Variants in SRCAP observed in about 807,000 individuals in gnomAD.
SRCAP encodes the protein Snf2 related CREBBP activator protein.
Under a neutral mutation model 263.1 loss-of-function variants are expected in SRCAP, and 46 were observed. The observed-to-expected ratio is 0.17, with a 90% CI of 0.14 to 0.22. The LOEUF (loss-of-function observed/expected upper bound fraction) is 0.22. SRCAP is among the 10% of genes least tolerant of loss of function. SRCAP has a pLI of 1.00. For missense variants in SRCAP, 3,695 were observed against 4,181.9 expected, an observed-to-expected ratio of 0.88 and a Z score of 3.21; for synonymous variants, 1,813 against 1,662.1, an observed-to-expected ratio of 1.09 and a Z score of -2.21.
rs766102471 is a variant in SRCAP at position 30,725,041 on chromosome 16, C to T, written c.5617C>T (p.Arg1873Ter). The change falls in exon 25 of 34, where the codon CGA (arginine) becomes TGA (stop). Residue 1873 changes from arginine to a stop codon, truncating the protein, a stop_gained. Transcript: ENST00000262518. LOFTEE classifies it high-confidence loss of function. ...TACCTCGTTTGGTGGCCCCCGGCCT[C>T]GACGCCAGCCCCCCCCACCACCTCG... ...TATSFGGPRP[R>*]RQPPPPPRSP... 6.2e-7 allele frequency: 1 copy of T among 1,613,058 alleles called. No homozygotes were observed.
At chr16:30,703,817 AACCCGG>A in intron 3 of SRCAP, among the ~76,000 whole-genome samples, 1 of 152,212 alleles carries the variant, frequency 6.6e-6, no homozygotes. Flanking sequence ...GAATGGCATG[AACCCGG>A]GAGGCGGAGC....
At chr16:30,715,788 TAAC>T (rs1367654822) in intron 16 of SRCAP, among the ~76,000 whole-genome samples, 1 of 152,204 alleles carries the variant, frequency 6.6e-6, no homozygotes, top group African/African-American at 2.4e-5. Context: ...CTTGTAAACT[TAAC>T]AATTACTCCT....
At chr16:30,731,614 C>T (rs2053115443) in intron 27 of SRCAP, among the ~76,000 whole-genome samples, 1 of 152,080 alleles carries the variant, frequency 6.6e-6, no homozygotes, top group Non-Finnish European at 1.5e-5. Context: ...ACTTGTAATC[C>T]CAGCACTTGG....
In SRCAP at chr16:30,719,417, A is replaced by G. The variant is rs567105735; in HGVS notation, c.2818-745A>G. On this transcript the variant is annotated intron_variant, in intron 18 of 33. Transcript: ENST00000262518. ...TTTTTAGTAGAGATGGGGTTTCACC[A>G]TCTTGGCCAGGCTGGTCTTGAACTC... Among the ~76,000 whole-genome samples the G allele has an allele frequency of 5.3e-5, 8 of 151,402 alleles. No homozygotes were observed. The South Asian group carries it at 1.7e-3, about 32-fold the overall frequency.
rs773627693 is a variant in SRCAP, at chr16:30,711,659, G to A, written c.1407G>A (p.Glu469=). ...GCAGTGAAGATGAGGATGAAGATGAGGTTGATGCTAATAGCTCTGACTGTG... is the reference window on the plus strand; with the variant it reads ...GCAGTGAAGATGAGGATGAAGATGAAGTTGATGCTAATAGCTCTGACTGTG... ...SGSSEDEDED[E]VDANSSDCEP... Residue 469 remains glutamate (E), a synonymous_variant, in exon 11 of 34, where the codon GAG becomes GAA. Transcript: ENST00000262518. The A allele has an allele frequency of 1.9e-6, 3 of 1,614,126 alleles. No individual in the cohort carries two copies. The highest frequency in any genetic ancestry group is 2.7e-5 in the African/African-American group (2 of 75,034).
At chr16:30,719,709 T>C (rs1448762378) in intron 18 of SRCAP, among the ~76,000 whole-genome samples, 1 of 152,128 alleles carries the variant, frequency 6.6e-6, no homozygotes, top group Non-Finnish European at 1.5e-5. Flanking sequence ...AGACGGGGTC[T>C]TACTATGTTG....
chr16:30,722,737 C>A lies in SRCAP; in HGVS notation c.3881C>A (p.Ala1294Asp), dbSNP rs1210161459. ...CCTACTGGCCTCAGCCTTCCGCTTG[C>A]TGCTAACCAGGGTGAGGCTCCTGGC... Reference protein sequence around the residue: ...PAPTGLSLPLAANQVPPTMVN... With the variant: ...PAPTGLSLPLDANQVPPTMVN... The change falls in exon 23 of 34, where the codon GCT (alanine) becomes GAT (aspartate). Residue 1294 changes from alanine (A) to aspartate (D), a missense_variant. By Grantham distance (126) the Ala-to-Asp change is moderately radical. This residue lies in a region of SRCAP where 1,347 missense variants were observed against 1,304.4 expected (regional missense o/e 1.03). Transcript: ENST00000262518. The A allele has an allele frequency of 6.2e-7, 1 of 1,610,436 alleles. No homozygotes were observed. The highest frequency in any genetic ancestry group is 1.3e-5 in the African/African-American group (1 of 74,806).
In SRCAP at chr16:30,735,389, G is replaced by A. The variant is rs1220666612; in HGVS notation, c.6729+774G>A. On this transcript the variant is annotated intron_variant, in intron 31 of 33. Coordinates refer to ENST00000262518, the MANE Select transcript of SRCAP (RefSeq NM_006662.3). The stretch of plus-strand genomic sequence containing the variant: ...TCTCGATCTCCTGACCTCGTGATCC[G>A]CCCGCCTCGGCCTCCCAAAGTGCTG... Among the ~76,000 whole-genome samples, 8 of 151,184 alleles carry A rather than the reference G, an allele frequency of 5.3e-5. 1 individual carries two copies. The highest frequency in any genetic ancestry group is 2.0e-4 in the Admixed American group (3 of 15,188).
chr16:30,710,907 A>T (rs1054224174), intron 9 of SRCAP, 60 bp downstream of exon 9: 25 of 1,602,468 alleles, frequency 1.6e-5, no homozygotes, highest in South Asian at 6.6e-5. Context: ...GTCTGGACCT[A>T]ACCTTTCAGG....
At position 30,728,892 on chromosome 16, in the gene SRCAP, T is replaced by C. The variant is rs1189130263; in HGVS notation, c.5659-74T>C. 3.4e-6 allele frequency: 5 copies of C among 1,490,288 alleles called. No individual in the cohort carries two copies. The Admixed American group carries it at 1.1e-4, about 34-fold the overall frequency. 92.3% of individuals were successfully genotyped at this position (1,490,288 alleles called of 1,614,324 possible). ...CATGGTTTCTATATATTTATTTCCA[T>C]CTGGGAAGAACAGTCAGGTTTTGAT... is the stretch of plus-strand genomic sequence containing the variant. On this transcript the variant is annotated intron_variant, in intron 25 of 33. Transcript: ENST00000262518.
chr16:30,700,793 A>G lies in SRCAP; in HGVS notation c.-32A>G, dbSNP rs1398724828. 3 of 1,608,614 alleles carry G rather than the reference A, an allele frequency of 1.9e-6. No homozygotes were observed. The highest frequency in any genetic ancestry group is 8.5e-7 in the Non-Finnish European group (1 of 1,175,596). On this transcript the variant is annotated 5_prime_UTR_variant, in exon 3 of 34. Transcript: ENST00000262518. ...GGTGATAACAACCCAGTCATTCTTC[A>G]GGCATCCAAGGGGGAGCCTGGGAGT...
chr16:30,711,780 G>C lies in SRCAP; in HGVS notation c.1492+36G>C, dbSNP rs1394840656. 8 of 1,609,948 alleles carry C rather than the reference G, an allele frequency of 5.0e-6. No individual in the cohort carries two copies. In the East Asian group the frequency reaches 1.6e-4, roughly 31 times the overall value. On this transcript the variant is annotated intron_variant, in intron 11 of 33. Coordinates refer to ENST00000262518, the MANE Select transcript of SRCAP (RefSeq NM_006662.3). ...GGTCATGAAGCAGGAGCTGGGGAGG[G>C]TGGCCATTGGAAGAGCAGGTATGAT...
At position 30,723,588 on chromosome 16, in the gene SRCAP, A is replaced by G. The variant is rs757822015; in HGVS notation, c.4164A>G (p.Ser1388=). 6.2e-7 allele frequency: 1 copy of G among 1,611,656 alleles called. No homozygotes were observed. The highest frequency in any genetic ancestry group is 1.3e-5 in the African/African-American group (1 of 74,968). Reference sequence around the variant, plus strand: ...ACTCATCCTCTCTCTCCACAGCTTCAGCCCCCGGAGCTGCCCCCTTGACCA... The same window carrying G: ...ACTCATCCTCTCTCTCCACAGCTTCGGCCCCCGGAGCTGCCCCCTTGACCA... ...VHSPSPEVSA[S]APGAAPLTIS... The change falls in exon 25 of 34, where the codon TCA becomes TCG. Residue 1388 remains serine (S), a synonymous_variant. Coordinates refer to ENST00000262518, the MANE Select transcript of SRCAP (RefSeq NM_006662.3).
At position 30,739,634 on chromosome 16, in the gene SRCAP, G is replaced by A. The variant is rs775242217; in HGVS notation, c.9594G>A (p.Gly3198=). Reference sequence around the variant, plus strand: ...GTCCTGGCCCCCGCCGGCTTGTTGGGACCACCAACCAAGGGGACCAGCGCA... The same window carrying A: ...GTCCTGGCCCCCGCCGGCTTGTTGGAACCACCAACCAAGGGGACCAGCGCA... ...RRRPGPRRLV[G]TTNQGDQRIL... Residue 3198 remains glycine (G), a synonymous_variant, in exon 34 of 34, where the codon GGG becomes GGA. Transcript: ENST00000262518. 2 of 1,591,414 alleles carry A rather than the reference G, an allele frequency of 1.3e-6. No individual in the cohort carries two copies. Among genetic ancestry groups the A allele is most frequent in the Non-Finnish European group, 1.7e-6 (2 of 1,169,940 alleles).
Position 30,724,071 on chromosome 16 carries a change from G to A in SRCAP, c.4647G>A (p.Leu1549=), listed in dbSNP as rs745705543. The change falls in exon 25 of 34, where the codon CTG becomes CTA. Residue 1549 remains leucine, a synonymous_variant. Transcript: ENST00000262518. ...STVAPACSPV[L]VPASALASPF... ...TGGCCCCAGCATGCTCACCTGTCCT[G>A]GTGCCAGCTTCGGCTCTGGCCAGTC... is the stretch of plus-strand genomic sequence containing the variant. 2 of 1,613,596 alleles carry A rather than the reference G, an allele frequency of 1.2e-6. No individual in the cohort carries two copies. The highest frequency in any genetic ancestry group is 2.2e-5 in the South Asian group (2 of 91,086).
At position 30,707,142 on chromosome 16, in the gene SRCAP, T is replaced by C; in HGVS notation, c.307-41T>C. 2.5e-6 allele frequency: 4 copies of C among 1,600,908 alleles called. No homozygotes were observed. In the South Asian group the frequency reaches 4.4e-5, roughly 18 times the overall value. On this transcript the variant is annotated intron_variant, in intron 4 of 33. Transcript: ENST00000262518. The stretch of plus-strand genomic sequence containing the variant: ...TCAGCCGTGGCAGTGAGATGGAGTG[T>C]GTGTTTAGAACTGTTGATTGATCTG...
At position 30,739,945 on chromosome 16, in the gene SRCAP, C is replaced by A. The variant is rs2053208492; in HGVS notation, c.*212C>A. Reference sequence around the variant, plus strand: ...TCCCCTTCCCCTTCACCCCACGTGGCTGGGCAGTGTTAAGGGTGGCAAGAT... The same window carrying A: ...TCCCCTTCCCCTTCACCCCACGTGGATGGGCAGTGTTAAGGGTGGCAAGAT... On this transcript the variant is annotated 3_prime_UTR_variant, in exon 34 of 34. Transcript: ENST00000262518. 1.4e-6 allele frequency: 1 copy of A among 735,902 alleles called. No individual in the cohort carries two copies. The highest frequency in any genetic ancestry group is 2.0e-6 in the Non-Finnish European group (1 of 504,480). The allele number at this position is 735,902 out of a possible 1,614,324, so 45.6% of individuals were successfully genotyped here.
intron 16 of SRCAP, 90 bp from the exon 17 acceptor site, chr16:30,715,976 G>T (rs1596650533): frequency 6.5e-7 from 1 of 1,534,882 alleles, no homozygotes; most frequent in Admixed American, 1.8e-5. Context: ...ATGGTGTGCC[G>T]TATGACTCCA....
Position 30,733,594 on chromosome 16 carries a change from C to A in SRCAP, c.6298-8C>A. 2 of 1,602,618 alleles carry A rather than the reference C, an allele frequency of 1.2e-6. No homozygotes were observed. The highest frequency in any genetic ancestry group is 4.5e-5 in the East Asian group (2 of 44,750). ...CCCAGTATCATCTTTTTTTCCCTTTCCTTCTAGGCCTTGATGGAACGGTTC... is the reference window on the plus strand; with the variant it reads ...CCCAGTATCATCTTTTTTTCCCTTTACTTCTAGGCCTTGATGGAACGGTTC... On this transcript the variant is annotated splice_polypyrimidine_tract_variant and splice_region_variant and intron_variant, in intron 28 of 33. Transcript: ENST00000262518. The surrounding 1 kb of genome is among the most constrained non-coding windows in gnomAD (Gnocchi z 5.3).
Sources: gnomAD v4.1 joint callset for allele counts (sites outside exome capture counted in the v4.1 genomes callset) on GRCh38, gnomAD v4.1.1 for gene constraint, gnomAD v4.1.1 regional missense constraint, Gnocchi (gnomAD v3.1) non-coding constraint, MANE v1.5 for transcripts, NCBI Gene and HGNC (gene_info 2026-07-23, HGNC 2026-07-21) for gene names.